Variants in ZNF664 observed in about 807,000 individuals in gnomAD.
The protein encoded by ZNF664 is zinc finger Organ of Corti 1.
ZNF664 carries 10 observed loss-of-function variants against 18.2 expected under a neutral mutation model. The ratio of observed to expected loss-of-function variants is 0.55; its 90% CI spans 0.34 to 0.93. ZNF664 has a LOEUF of 0.93. ZNF664 is among the 40% of genes least tolerant of loss of function. The pLI is 0.02. For synonymous variants in ZNF664, 119 were observed against 104.2 expected (o/e 1.14, Z -0.86); for missense variants, 193 against 319.0 (o/e 0.61, Z 3.01).
chr12:123,983,185 G>A (rs1956786595), intron 2 of ZNF664, among the ~76,000 whole-genome samples: 1 of 152,138 alleles, frequency 6.6e-6, no homozygotes, highest in Non-Finnish European at 1.5e-5. Context: ...TTGTGCTACA[G>A]CTAATCCATG....
chr12:123,993,495 G>C (rs1377548299), intron 3 of ZNF664, among the ~76,000 whole-genome samples: 2 of 152,160 alleles, frequency 1.3e-5, no homozygotes, highest in Admixed American at 6.5e-5. Flanking sequence ...TGTAACTTGA[G>C]TATCTAAGTC....
At chr12:123,997,929 G>A (rs1042646596) in intron 3 of ZNF664, 1 of 152,230 alleles carries the variant, frequency 6.6e-6, no homozygotes, top group Non-Finnish European at 1.5e-5. Flanking sequence ...CGGTGTGGGT[G>A]TCTGAAGGAA....
chr12:123,980,421 C>G (rs1388656652), intron 2 of ZNF664, among the ~76,000 whole-genome samples: 1 of 152,072 alleles, frequency 6.6e-6, no homozygotes, highest in Non-Finnish European at 1.5e-5. Context: ...TGTCAAGAGT[C>G]TTAAAATTAT....
intron 3 of ZNF664, among the ~76,000 whole-genome samples, chr12:123,992,719 C>T (rs748443979): frequency 6.6e-6 from 1 of 152,128 alleles, no homozygotes; most frequent in Non-Finnish European, 1.5e-5. Context: ...TTTTAGAGGT[C>T]ATTCTACTTT....
intron 2 of ZNF664, among the ~76,000 whole-genome samples, chr12:123,983,035 G>A (rs547566374): frequency 4.6e-5 from 7 of 152,272 alleles, no homozygotes; most frequent in African/African-American, 1.7e-4. Context: ...CACACCTGTG[G>A]TTCCAGCTAC....
intron 2 of ZNF664, among the ~76,000 whole-genome samples, chr12:123,978,997 A>G (rs1956728928): frequency 1.3e-5 from 2 of 152,210 alleles, no homozygotes; most frequent in African/African-American, 4.8e-5. Context: ...TAGATGGATT[A>G]AGGAACTAAC....
chr12:123,985,856 T>C (rs1956818475), intron 2 of ZNF664, among the ~76,000 whole-genome samples: 1 of 152,248 alleles, frequency 6.6e-6, no homozygotes, highest in Non-Finnish European at 1.5e-5. Flanking sequence ...AAATCACCCA[T>C]GTCCCACATA....
At chr12:123,975,026 A>G (rs1040535613) in intron 2 of ZNF664, among the ~76,000 whole-genome samples, 4 of 152,132 alleles carry the variant, frequency 2.6e-5, no homozygotes, top group East Asian at 1.9e-4. Context: ...CCCCTCCCCT[A>G]TGGTAGTTCT....
chr12:124,010,296 T>G (rs1957121378), intron 3 of ZNF664, among the ~76,000 whole-genome samples: 1 of 152,238 alleles, frequency 6.6e-6, no homozygotes, highest in Admixed American at 6.5e-5. Context: ...ATGTTCTCTT[T>G]GTATGGAACA....
At chr12:124,006,815 G>A (rs1001270722) in intron 3 of ZNF664, among the ~76,000 whole-genome samples, 28 of 152,196 alleles carry the variant, frequency 1.8e-4, no homozygotes, top group Non-Finnish European at 7.3e-5. Context: ...GTCCTTGGCA[G>A]CCTTCCTCCT....
At chr12:124,002,436 A>AT (rs1268457793) in intron 3 of ZNF664, among the ~76,000 whole-genome samples, 1 of 152,222 alleles carries the variant, frequency 6.6e-6, no homozygotes, top group African/African-American at 2.4e-5. Context: ...TTTTTAAAAG[A>AT]TAAGGGTGAC....
Position 124,015,003 on chromosome 12 carries a change from G to A in ZNF664, c.*2073G>A, listed in dbSNP as rs1034352175. On this transcript the variant is annotated 3_prime_UTR_variant, in exon 5 of 5. Transcript: ENST00000337815. ...CTGAATTCCACAAGTACGATTTACTGTAGTGTCTTATCACTCTTTCATGTC... is the reference window on the plus strand; with the variant it reads ...CTGAATTCCACAAGTACGATTTACTATAGTGTCTTATCACTCTTTCATGTC... The A allele has an allele frequency of 1.2e-5, 2 of 167,082 alleles. No individual in the cohort carries two copies. The highest frequency in any genetic ancestry group is 4.8e-5 in the African/African-American group (2 of 41,446). 10.3% of individuals were successfully genotyped at this position (167,082 alleles called of 1,614,324 possible).
At chr12:123,977,598 T>C (rs1167060578) in intron 2 of ZNF664, among the ~76,000 whole-genome samples, 2 of 151,870 alleles carry the variant, frequency 1.3e-5, no homozygotes, top group African/African-American at 4.8e-5. Flanking sequence ...TCCTGAAAGG[T>C]CTGAAGGGGT....
chr12:123,977,044 C>G (rs1304430160), intron 2 of ZNF664, among the ~76,000 whole-genome samples: 2 of 152,188 alleles, frequency 1.3e-5, no homozygotes, highest in Non-Finnish European at 2.9e-5. Flanking sequence ...CATGCCACTG[C>G]ACTCCAGCCT....
chr12:123,973,568 C>T, intron 1 of ZNF664: 1 of 341,756 alleles, frequency 2.9e-6, no homozygotes, highest in East Asian at 1.7e-4. Context: ...GCCCCTCGGG[C>T]CTCGGGCGGT....
At chr12:123,984,165 G>T (rs1956798158) in intron 2 of ZNF664, among the ~76,000 whole-genome samples, 1 of 152,164 alleles carries the variant, frequency 6.6e-6, no homozygotes, top group East Asian at 1.9e-4. Context: ...AGAGGAGAGG[G>T]GAGATGGAAC....
At chr12:123,998,387 A>AT (rs1395704303) in intron 3 of ZNF664, 1 of 152,012 alleles carries the variant, frequency 6.6e-6, no homozygotes, top group Non-Finnish European at 1.5e-5. Flanking sequence ...TAATGTTTAT[A>AT]TTTTTTCAGA....
chr12:124,011,881 T>G lies in ZNF664; in HGVS notation c.-264T>G, dbSNP rs142294299. 2,886 of 1,263,610 alleles carry G rather than the reference T, an allele frequency of 2.3e-3. 16 individuals are homozygous for G. In the Admixed American group the frequency reaches 0.03, roughly 13 times the overall value. 78.3% of individuals were successfully genotyped at this position (1,263,610 alleles called of 1,614,324 possible). ...TCAGGATCTAAAACAAAGTTCTGTG[T>G]TAATGAGTTACAGAATTCACGTGGA... On this transcript the variant is annotated 5_prime_UTR_variant, in exon 5 of 5. Coordinates refer to ENST00000337815, the MANE Select transcript of ZNF664 (RefSeq NM_152437.3).
intron 2 of ZNF664, among the ~76,000 whole-genome samples, chr12:123,975,002 T>C (rs943556649): frequency 1.2e-4 from 19 of 152,336 alleles, no homozygotes; most frequent in African/African-American, 4.3e-4. Flanking sequence ...GAAATTGATA[T>C]GTGGAAGCAG....
Sources: gnomAD v4.1 joint callset for allele counts (sites outside exome capture counted in the v4.1 genomes callset) on GRCh38, gnomAD v4.1.1 for gene constraint, MANE v1.5 for transcripts, NCBI Gene and HGNC (gene_info 2026-07-23, HGNC 2026-07-21) for gene names.